The following FBXO11 variants were observed in gnomAD, a reference collection of about 807,000 sequenced individuals.
The protein encoded by FBXO11 is F-box only protein 11.
In FBXO11, 13 loss-of-function variants were observed where a neutral mutation model predicts 117.0. The observed-to-expected ratio is 0.11, with a 90% confidence interval of 0.07 to 0.18. The LOEUF is 0.18. FBXO11 is among the 10% of genes least tolerant of loss of function. The pLI is 1.00. For synonymous variants in FBXO11, 490 were observed against 380.5 expected, an observed-to-expected ratio of 1.29 and a Z score of -3.35; for missense variants, 767 against 1,164.4, an observed-to-expected ratio of 0.66 and a Z score of 4.97.
intron 1 of FBXO11, among the ~76,000 whole-genome samples, chr2:47,903,932 A>G (rs1678525869): frequency 6.6e-6 from 1 of 152,242 alleles, no homozygotes; most frequent in Non-Finnish European, 1.5e-5. Flanking sequence ...AAATGTATCA[A>G]AGAAATAAAA....
chr2:47,832,245 C>G (rs1672250784), intron 11 of FBXO11, 104 bp downstream of exon 11: 1 of 926,996 alleles, frequency 1.1e-6, no homozygotes, highest in Non-Finnish European at 1.6e-6. Context: ...TAAACCTATA[C>G]TCTTCAATTC....
intron 1 of FBXO11, among the ~76,000 whole-genome samples, chr2:47,841,179 C>T (rs1390759734): frequency 1.3e-5 from 2 of 152,026 alleles, no homozygotes. Flanking sequence ...GCCTGGGCAA[C>T]AGAGCAAGAC....
chr2:47,806,921 T>A lies in FBXO11; in HGVS notation c.*1197A>T. 1 of 1,197,064 alleles carries A rather than the reference T, an allele frequency of 8.4e-7. No individual in the cohort carries two copies. Among genetic ancestry groups the A allele is most frequent in the Non-Finnish European group, 1.2e-6 (1 of 809,912 alleles). The allele number at this position is 1,197,064 out of a possible 1,614,324, so 74.2% of individuals were successfully genotyped here. Reference sequence around the variant, plus strand: ...CAAAGGTGGTAAATTCAGACAACATTATGATCTAATAAACTTTATTTTTTA... The same window carrying A: ...CAAAGGTGGTAAATTCAGACAACATAATGATCTAATAAACTTTATTTTTTA... On this transcript the variant is annotated 3_prime_UTR_variant, in exon 23 of 23. Transcript: ENST00000403359.
At chr2:47,865,737 TGGGATA>T (rs1675146595) in intron 1 of FBXO11, 1 of 152,184 alleles carries the variant, frequency 6.6e-6, no homozygotes, top group South Asian at 2.1e-4. Context: ...GGAAACAACA[TGGGATA>T]TTATTAGAGT....
At chr2:47,856,949 T>C (rs185727375) in intron 1 of FBXO11, among the ~76,000 whole-genome samples, 26 of 152,190 alleles carry the variant, frequency 1.7e-4, no homozygotes, top group African/African-American at 4.3e-4. Context: ...CTGGGATGAG[T>C]TGGATGGTAA....
At chr2:47,818,171 GA>G (rs1252450108) in intron 16 of FBXO11, among the ~76,000 whole-genome samples, 3 of 152,130 alleles carry the variant, frequency 2.0e-5, no homozygotes, top group African/African-American at 7.2e-5. Context: ...TAATGATAAT[GA>G]AAAAATGAGA....
Position 47,868,507 on chromosome 2 carries a change from A to G in FBXO11, c.233-28738T>C, listed in dbSNP as rs562073513. 5.3e-4 allele frequency among the ~76,000 whole-genome samples: 81 copies of G among 152,112 alleles called. 2 individuals are homozygous for G. The South Asian group carries it at 0.016, about 31-fold the overall frequency. On this transcript the variant is annotated intron_variant, in intron 1 of 22. Transcript: ENST00000403359. ...AAATATTTGTTTGAATTACTTCTCA[A>G]TTTTTTATTTCTGGAACTCCTAATA...
At chr2:47,812,057 C>T (rs1004798451) in intron 18 of FBXO11, among the ~76,000 whole-genome samples, 3 of 151,762 alleles carry the variant, frequency 2.0e-5, no homozygotes, top group Non-Finnish European at 4.4e-5. Flanking sequence ...ATTTCCACTA[C>T]ACCTCAAGTG....
At chr2:47,845,654 GT>G (rs1572834128) in intron 1 of FBXO11, among the ~76,000 whole-genome samples, 1 of 152,094 alleles carries the variant, frequency 6.6e-6, no homozygotes, top group East Asian at 1.9e-4. Flanking sequence ...GCTGCCTTAT[GT>G]TATACTTACT....
chr2:47,832,228 T>C, intron 11 of FBXO11, 121 bp downstream of exon 11: 1 of 717,434 alleles, frequency 1.4e-6, no homozygotes, highest in Non-Finnish European at 2.2e-6. Context: ...AATGCTGAAA[T>C]TGCTTTTAAA....
intron 1 of FBXO11, among the ~76,000 whole-genome samples, chr2:47,867,591 T>A (rs1439577122): frequency 1.3e-5 from 2 of 152,228 alleles, no homozygotes; most frequent in African/African-American, 4.8e-5. Flanking sequence ...ATGTTTTTAG[T>A]GATATAGATT....
intron 11 of FBXO11, among the ~76,000 whole-genome samples, chr2:47,826,575 T>C (rs1671769529): frequency 6.6e-6 from 1 of 152,200 alleles, no homozygotes; most frequent in Admixed American, 6.5e-5. Flanking sequence ...TCCCCCACAA[T>C]ATATACTCAC....
chr2:47,840,203 A>T (rs1672911416), intron 1 of FBXO11, among the ~76,000 whole-genome samples: 1 of 151,908 alleles, frequency 6.6e-6, no homozygotes. Context: ...TCGGCCTCCC[A>T]AAGTGCTGGG....
In FBXO11 at chr2:47,830,702, T is replaced by G. The variant is rs556647548; in HGVS notation, c.1398+1647A>C. Among the ~76,000 whole-genome samples the G allele has an allele frequency of 3.9e-5, 6 of 152,328 alleles. No homozygotes were observed. The East Asian group carries it at 7.7e-4, about 20-fold the overall frequency. ...TGTGATATTTACAAGCCCAAATCTATTCTTTAAAATGGTATAAGGAGTGTG... is the reference window on the plus strand; with the variant it reads ...TGTGATATTTACAAGCCCAAATCTAGTCTTTAAAATGGTATAAGGAGTGTG... On this transcript the variant is annotated intron_variant, in intron 11 of 22. Coordinates refer to ENST00000403359, the MANE Select transcript of FBXO11 (RefSeq NM_001190274.2).
Position 47,890,573 on chromosome 2 carries a change from G to A in FBXO11, c.232+14916C>T, listed in dbSNP as rs528613124. 1.1e-4 allele frequency among the ~76,000 whole-genome samples: 16 copies of A among 152,220 alleles called. No homozygotes were observed. In the South Asian group the frequency reaches 3.1e-3, roughly 30 times the overall value. On this transcript the variant is annotated intron_variant, in intron 1 of 22. Transcript: ENST00000403359. The stretch of plus-strand genomic sequence containing the variant: ...TAATCCCAGCACTCAGGAGGCCGAG[G>A]TGGGTGGACCACCTGAGGTCAGGAG...
chr2:47,832,080 A>G (rs1672235929), intron 11 of FBXO11, among the ~76,000 whole-genome samples: 1 of 152,200 alleles, frequency 6.6e-6, no homozygotes, highest in Non-Finnish European at 1.5e-5. Flanking sequence ...ATGAACACAC[A>G]TTTGAGACTT....
At chr2:47,810,660 G>C (rs577251863) in intron 18 of FBXO11, 213 of 400,208 alleles carry the variant, frequency 5.3e-4, no homozygotes, top group African/African-American at 4.1e-3. Context: ...CTCCATGATA[G>C]CAGGGTCCAT....
At chr2:47,905,251 C>T in intron 1 of FBXO11, 1 of 274,366 alleles carries the variant, frequency 3.6e-6, no homozygotes, top group Non-Finnish European at 6.6e-6. Context: ...GCCCCCGAAA[C>T]CAAACAAAGC....
At chr2:47,830,601 T>G (rs1173587124) in intron 11 of FBXO11, among the ~76,000 whole-genome samples, 1 of 152,192 alleles carries the variant, frequency 6.6e-6, no homozygotes, top group Non-Finnish European at 1.5e-5. Flanking sequence ...TTATAAATCT[T>G]AAAATGTATA....
Sources: allele counts gnomAD v4.1 joint callset (sites outside exome capture counted in the v4.1 genomes callset), GRCh38; gene constraint gnomAD v4.1.1; transcripts MANE v1.5; gene names NCBI Gene and HGNC (gene_info 2026-07-23, HGNC 2026-07-21).